The following MZF1 variants were observed in gnomAD, a reference collection of about 807,000 sequenced individuals.
The protein encoded by MZF1 is zinc finger and SCAN domain-containing protein 6.
MZF1 carries 24 observed loss-of-function variants against 28.6 expected under a neutral mutation model. That is an observed-to-expected ratio of 0.84 (90% confidence interval 0.61 to 1.18). MZF1 has a LOEUF of 1.18. Among genes scored for constraint, MZF1 ranks in the 50% most tolerant of loss-of-function variants. The pLI is 0.00. For missense variants in MZF1, 1,166 were observed against 1,026.4 expected (o/e 1.14, Z -1.86); for synonymous variants, 516 against 432.5 (o/e 1.19, Z -2.40).
At chr19:58,570,263 G>A in intron 3 of MZF1, 81 bp downstream of exon 3, 2 of 1,419,172 alleles carry the variant, frequency 1.4e-6, no homozygotes, top group Non-Finnish European at 1.9e-6. Flanking sequence ...CTGGCCCAGT[G>A]GACTTCAGAC....
In MZF1 at chr19:58,562,163, C is replaced by A; in HGVS notation, c.2114G>T (p.Arg705Leu). 1 of 1,596,040 alleles carries A rather than the reference C, an allele frequency of 6.3e-7. No individual in the cohort carries two copies. The highest frequency in any genetic ancestry group is 8.5e-7 in the Non-Finnish European group (1 of 1,174,260). The part of the protein sequence containing the change: ...TLTQHLRTHR[R>L]EKPFACQDCG... ...GTCCTGGCAGGCGAAGGGCTTCTCT[C>A]GTCGGTGGGTGCGCAGATGCTGCGT... The change falls in exon 6 of 6, where the codon CGA becomes CTA. Residue 705 changes from arginine (R) to leucine (L), a missense_variant. Arg to Leu is a moderately radical substitution (Grantham distance 102). Transcript: ENST00000215057.
rs749844347 is a variant in MZF1 at position 58,569,603 on chromosome 19, G to C, written c.581-17C>G. 1.9e-6 allele frequency: 3 copies of C among 1,582,466 alleles called. No homozygotes were observed. The highest frequency in any genetic ancestry group is 1.7e-6 in the Non-Finnish European group (2 of 1,161,354). ...CCAGGAAATCTAGAGAGGAAAACTG[G>C]TATCAGGCAGCCTGAGTGAGTTTCC... On this transcript the variant is annotated splice_polypyrimidine_tract_variant and intron_variant, in intron 3 of 5. Transcript: ENST00000215057.
In MZF1 at chr19:58,562,275, G is replaced by A; in HGVS notation, c.2002C>T (p.Leu668Phe). 6.2e-7 allele frequency: 1 copy of A among 1,605,970 alleles called. No individual in the cohort carries two copies. Among genetic ancestry groups the A allele is most frequent in the Admixed American group, 1.7e-5 (1 of 59,276 alleles). Residue 668 changes from leucine (L) to phenylalanine (F), a missense_variant, in exon 6 of 6, where the codon CTC becomes TTC. Coordinates refer to ENST00000215057, the MANE Select transcript of MZF1 (RefSeq NM_198055.2). ...CGQSFRQHAN[L>F]TQHRRIHTGE... The stretch of plus-strand genomic sequence containing the variant: ...GTGTGGATGCGCCGGTGCTGGGTGA[G>A]GTTGGCGTGCTGCCGAAAGCTCTGG...
chr19:58,569,137 T>C, intron 5 of MZF1, 140 bp downstream of exon 5: 2 of 1,195,780 alleles, frequency 1.7e-6, no homozygotes, highest in South Asian at 1.5e-5. Flanking sequence ...GGTTGAACCT[T>C]ATAGGGGATG....
rs752918789 is a variant in MZF1, at chr19:58,569,228, G to A, written c.772+49C>T. 5.9e-6 allele frequency: 9 copies of A among 1,532,354 alleles called. No homozygotes were observed. The East Asian group carries it at 6.8e-5, about 12-fold the overall frequency. The allele number at this position is 1,532,354 out of a possible 1,614,324, so 94.9% of individuals were successfully genotyped here. A position where few individuals can be genotyped will look rare whatever the true frequency, so the allele number is the denominator to read the frequency against. ...GCCAGGAGTGGGGTCGGCAGAGATG[G>A]TGCTGTCCATGCGGAAGGCCTAGTC... is the stretch of plus-strand genomic sequence containing the variant. On this transcript the variant is annotated intron_variant, in intron 5 of 5. Transcript: ENST00000215057.
chr19:58,565,611 C>A (rs1205044995), intron 5 of MZF1, among the ~76,000 whole-genome samples: 1 of 152,070 alleles, frequency 6.6e-6, no homozygotes, highest in East Asian at 2.0e-4. Flanking sequence ...CAGCTCACTG[C>A]AAGCTCCGCC....
intron 5 of MZF1, among the ~76,000 whole-genome samples, chr19:58,567,002 G>C (rs528674398): frequency 2.7e-4 from 41 of 151,262 alleles, no homozygotes; most frequent in Non-Finnish European, 1.5e-4. Flanking sequence ...TCCCTGGCTT[G>C]GGTGATTCTC....
At position 58,571,023 on chromosome 19, in the gene MZF1, G is replaced by A. The variant is rs773571499; in HGVS notation, c.367C>T (p.Arg123Cys). The A allele has an allele frequency of 4.7e-5, 76 of 1,610,628 alleles. No individual in the cohort carries two copies. The highest frequency in any genetic ancestry group is 4.7e-5 in the Non-Finnish European group (55 of 1,178,252). ...EEAAALVDGL[R>C]REPGGPRRWV... ...CTCCGGGGTCCGCCCGGCTCCCGGC[G>A]CAGCCCATCTACTAGGGCAGCAGCC... is the stretch of plus-strand genomic sequence containing the variant. The change falls in exon 2 of 6, where the codon CGC becomes TGC. Residue 123 changes from arginine to cysteine, a missense_variant. Physicochemically the swap from Arg to Cys is radical, Grantham distance 180. Transcript: ENST00000215057.
chr19:58,572,687 C>A (rs1206077810), intron 1 of MZF1: 1 of 1,224,972 alleles, frequency 8.2e-7, no homozygotes, highest in African/African-American at 1.6e-5. Flanking sequence ...GGCCAAGCCT[C>A]CACTCTTCAA....
In MZF1 at chr19:58,562,474, C is replaced by G. The variant is rs775719540; in HGVS notation, c.1803G>C (p.Glu601Asp). 1 of 1,610,670 alleles carries G rather than the reference C, an allele frequency of 6.2e-7. No individual in the cohort carries two copies. The highest frequency in any genetic ancestry group is 1.1e-5 in the South Asian group (1 of 90,800). Residue 601 changes from glutamate (E) to aspartate (D), a missense_variant, in exon 6 of 6, where the codon GAG (glutamate) becomes GAC (aspartate). Physicochemically the swap from Glu to Asp is conservative, Grantham distance 45. Coordinates refer to ENST00000215057, the MANE Select transcript of MZF1 (RefSeq NM_198055.2). ...HTGEKPFACPECGQRFSQRLK... is the reference protein window; with the variant it reads ...HTGEKPFACPDCGQRFSQRLK... ...GGCGCTGGCTGAAGCGCTGGCCACA[C>G]TCGGGGCAGGCAAAGGGTTTCTCGC...
chr19:58,569,564 T>C lies in MZF1; in HGVS notation c.603A>G (p.Leu201=). Residue 201 remains leucine, a synonymous_variant, in exon 4 of 6, where the codon CTA becomes CTG. Transcript: ENST00000215057. ...TGGGTACAGACTCCTGGGTGGCAGC[T>C]AGAGGCCCAGACTCCAGGAAATCTA... ...EDSDFLESGP[L]AATQESVPTL... is the part of the protein sequence containing the mutation. 1 of 1,606,378 alleles carries C rather than the reference T, an allele frequency of 6.2e-7. No homozygotes were observed. The highest frequency in any genetic ancestry group is 2.2e-5 in the East Asian group (1 of 44,680).
chr19:58,569,377 G>C lies in MZF1; in HGVS notation c.672C>G (p.Asp224Glu), dbSNP rs916187886. Reference protein sequence around the residue: ...EEAQRCGTVLDQIFPHSKTGP... With the variant: ...EEAQRCGTVLEQIFPHSKTGP... ...CAGTCTTGCTGTGGGGAAAGATCTG[G>C]TCCAGCACGGTCCCACATCTCTGAA... Residue 224 changes from aspartate (D) to glutamate (E), a missense_variant, in exon 5 of 6, where the codon GAC (aspartate) becomes GAG (glutamate). Transcript: ENST00000215057. The C allele has an allele frequency of 3.1e-6, 5 of 1,613,906 alleles. No homozygotes were observed. In the African/African-American group the frequency reaches 6.7e-5, roughly 22 times the overall value.
rs552709564 is a variant in MZF1 at position 58,563,049 on chromosome 19, G to A, written c.1228C>T (p.Arg410Trp). ...LRHQLTHTEE[R>W]PFVCGDCGQG... ...CCACAGTCGCCGCACACGAACGGCC[G>A]CTCCTCGGTGTGCGTAAGCTGGTGG... Residue 410 changes from arginine to tryptophan, a missense_variant, in exon 6 of 6, where the codon CGG (arginine) becomes TGG (tryptophan). Physicochemically the swap from Arg to Trp is moderately radical, Grantham distance 101. Coordinates refer to ENST00000215057, the MANE Select transcript of MZF1 (RefSeq NM_198055.2). 1.2e-6 allele frequency: 2 copies of A among 1,602,406 alleles called. No individual in the cohort carries two copies. Among genetic ancestry groups the A allele is most frequent in the African/African-American group, 2.7e-5 (2 of 75,028 alleles).
Position 58,562,680 on chromosome 19 carries a change from G to A in MZF1, c.1597C>T (p.Arg533Cys), listed in dbSNP as rs1415973053. ...GRRSVLLQHR[R>C]VHSGERPFAC... Reference sequence around the variant, plus strand: ...AAGGGCCGCTCGCCACTGTGCACGCGCCGGTGCTGCAGCAGCACTGAGCGG... The same window carrying A: ...AAGGGCCGCTCGCCACTGTGCACGCACCGGTGCTGCAGCAGCACTGAGCGG... The change falls in exon 6 of 6, where the codon CGC becomes TGC. Residue 533 changes from arginine to cysteine, a missense_variant. Coordinates refer to ENST00000215057, the MANE Select transcript of MZF1 (RefSeq NM_198055.2). The A allele has an allele frequency of 6.5e-7, 1 of 1,535,956 alleles. No homozygotes were observed. Among genetic ancestry groups the A allele is most frequent in the African/African-American group, 1.4e-5 (1 of 71,910 alleles).
chr19:58,566,452 GA>G (rs111924163), intron 5 of MZF1, among the ~76,000 whole-genome samples: 11 of 145,244 alleles, frequency 7.6e-5, no homozygotes, highest in East Asian at 2.0e-4. Context: ...CATCTCAAAA[GA>G]AAAAAAAAAG....
At position 58,570,668 on chromosome 19, in the gene MZF1, A is replaced by G. The variant is rs569921027; in HGVS notation, c.397-141T>C. The G allele has an allele frequency of 4.2e-5, 38 of 908,926 alleles. No individual in the cohort carries two copies. In the African/African-American group the frequency reaches 5.7e-4, roughly 14 times the overall value. 56.3% of individuals were successfully genotyped at this position (908,926 alleles called of 1,614,324 possible). A position where few individuals can be genotyped will look rare whatever the true frequency, so the allele number is the denominator to read the frequency against. ...TACTGACTAGGTCCTCCAAGGACCT[A>G]CCTCCCCTAGGCCCTGAGCAAAGAA... is the stretch of plus-strand genomic sequence containing the variant. On this transcript the variant is annotated intron_variant, in intron 2 of 5. Coordinates refer to ENST00000215057, the MANE Select transcript of MZF1 (RefSeq NM_198055.2).
rs2053959493 is a variant in MZF1, at chr19:58,562,853, G to A, written c.1424C>T (p.Pro475Leu). The change falls in exon 6 of 6, where the codon CCT becomes CTT. Residue 475 changes from proline to leucine, a missense_variant. Coordinates refer to ENST00000215057, the MANE Select transcript of MZF1 (RefSeq NM_198055.2). ...GCCGGGAGGCTCGGGCGCACCAGGA[G>A]GGGCCGGGGGCTTAGCGCCAGGGCC... ...PPGPGAKPPA[P>L]PGAPEPPGPF... is the part of the protein sequence containing the mutation. 1 of 1,539,786 alleles carries A rather than the reference G, an allele frequency of 6.5e-7. No homozygotes were observed. The highest frequency in any genetic ancestry group is 1.4e-5 in the African/African-American group (1 of 72,972).
chr19:58,569,191 T>C (rs2054110701), intron 5 of MZF1, 86 bp downstream of exon 5: 2 of 1,464,254 alleles, frequency 1.4e-6, no homozygotes, highest in Non-Finnish European at 1.8e-6. Context: ...GTAAGAGGGC[T>C]GCCTGCGTAG....
chr19:58,569,364 G>T lies in MZF1; in HGVS notation c.685C>A (p.His229Asn), dbSNP rs2054114624. The change falls in exon 5 of 6, where the codon CAC (histidine) becomes AAC (asparagine). Residue 229 changes from histidine to asparagine, a missense_variant. Transcript: ENST00000215057. Reference sequence around the variant, plus strand: ...GGACCCTCAGGCCCAGTCTTGCTGTGGGGAAAGATCTGGTCCAGCACGGTC... The same window carrying T: ...GGACCCTCAGGCCCAGTCTTGCTGTTGGGAAAGATCTGGTCCAGCACGGTC... ...CGTVLDQIFP[H>N]SKTGPEGPSW... is the part of the protein sequence containing the mutation. The T allele has an allele frequency of 6.2e-7, 1 of 1,614,034 alleles. No individual in the cohort carries two copies.
Sources: allele counts gnomAD v4.1 joint callset (sites outside exome capture counted in the v4.1 genomes callset), GRCh38; gene constraint gnomAD v4.1.1; transcripts MANE v1.5; gene names NCBI Gene and HGNC (gene_info 2026-07-23, HGNC 2026-07-21).